LRTM2: variants seen among roughly 807,000 people sequenced by gnomAD.
The protein encoded by LRTM2 is leucine-rich repeat and transmembrane domain-containing protein 2.
A neutral mutation model predicts 28.1 loss-of-function variants in LRTM2; 18 were observed. The observed-to-expected ratio is 0.64, with a 90% CI of 0.44 to 0.95. The LOEUF (loss-of-function observed/expected upper bound fraction) is 0.95, where lower values mean the gene tolerates loss of function less well. Among genes scored for constraint, LRTM2 ranks in the 40% least tolerant of loss-of-function variants. The probability of loss-of-function intolerance (pLI) is 0.00; values close to 1 mark genes in which losing one functional copy is unlikely to be tolerated. For synonymous variants in LRTM2, 250 were observed against 218.7 expected, an observed-to-expected ratio of 1.14 and a Z score of -1.26; for missense variants, 436 against 497.2, an observed-to-expected ratio of 0.88 and a Z score of 1.17.
At position 1,822,449 on chromosome 12, in the gene LRTM2, TACCACCCTGAGCCCAGCCCCAGGGAC is replaced by T. The variant is rs1177704133; in HGVS notation, c.-259+1650_-259+1675del. ...AAGCCTCCTGTGCCCTGCCTGGGAA[TACCACCCTGAGCCCAGCCCCAGGGAC>T]ACCACCCTGAGCCCGGCCCCAGGGC... On this transcript the variant is annotated intron_variant, in intron 1 of 4. Coordinates refer to ENST00000299194, the MANE Select transcript of LRTM2 (RefSeq NM_001039029.3). Among the ~76,000 whole-genome samples the T allele has an allele frequency of 2.0e-3, 302 of 151,994 alleles. 1 individual carries two copies. The highest frequency in any genetic ancestry group is 6.5e-3 in the African/African-American group (271 of 41,450).
chr12:1,826,842 G>A lies in LRTM2; in HGVS notation c.-258-568G>A, dbSNP rs200396987. On this transcript the variant is annotated intron_variant, in intron 1 of 4. Transcript: ENST00000299194. ...GGTTTGCAGCAGGACCCTAATGCCC[G>A]AGGGGAAACCTGCACAGACAGGCCA... 2.2e-4 allele frequency among the ~76,000 whole-genome samples: 34 copies of A among 152,338 alleles called. No homozygotes were observed. In the East Asian group the frequency reaches 2.7e-3, roughly 12 times the overall value.
chr12:1,828,501 G>A lies in LRTM2; in HGVS notation c.67+286G>A, dbSNP rs1565692857. Reference sequence around the variant, plus strand: ...AGGTAAGTCTCTGTGAGCTTGCTGGGGTCCCCAACAGGAGAAGAGCTCTGC... The same window carrying A: ...AGGTAAGTCTCTGTGAGCTTGCTGGAGTCCCCAACAGGAGAAGAGCTCTGC... On this transcript the variant is annotated intron_variant, in intron 3 of 4. Transcript: ENST00000299194. This position sits in a 1 kb window ranked among gnomAD's most constrained non-coding sequence, Gnocchi z 4.2. 6.6e-6 allele frequency among the ~76,000 whole-genome samples: 1 copy of A among 152,200 alleles called. No individual in the cohort carries two copies. Among genetic ancestry groups the A allele is most frequent in the Non-Finnish European group, 1.5e-5 (1 of 68,032 alleles).
chr12:1,834,600 A>G lies in LRTM2; in HGVS notation c.992A>G (p.Tyr331Cys), dbSNP rs761883170. The change falls in exon 5 of 5, where the codon TAT (tyrosine) becomes TGT (cysteine). Residue 331 changes from tyrosine (Y) to cysteine (C), a missense_variant. Tyr to Cys is a radical substitution (Grantham distance 194, BLOSUM62 -2). Coordinates refer to ENST00000299194, the MANE Select transcript of LRTM2 (RefSeq NM_001039029.3). This position sits in a 1 kb window ranked among gnomAD's most constrained non-coding sequence, Gnocchi z 7.6. ...VCIMMVVAAAYGCIYASLMAK... is the reference protein window; with the variant it reads ...VCIMMVVAAACGCIYASLMAK... The stretch of plus-strand genomic sequence containing the variant: ...ATCATGATGGTGGTGGCCGCTGCCT[A>G]TGGCTGCATCTACGCCTCCCTCATG... The G allele has an allele frequency of 1.9e-6, 3 of 1,600,034 alleles. No individual in the cohort carries two copies. The highest frequency in any genetic ancestry group is 2.7e-5 in the African/African-American group (2 of 74,868).
rs1386123143 is a variant in LRTM2, at chr12:1,828,260, G to A, written c.67+45G>A. On this transcript the variant is annotated intron_variant, in intron 3 of 4. Coordinates refer to ENST00000299194, the MANE Select transcript of LRTM2 (RefSeq NM_001039029.3). The surrounding 1 kb of genome is among the most constrained non-coding windows in gnomAD (Gnocchi z 4.2). ...CGGAGGGGGGTGCGGGTTGGGTGGG[G>A]GTGCCGAGGTGACTGTAGGTAGCGC... The A allele has an allele frequency of 1.3e-6, 2 of 1,488,360 alleles. No homozygotes were observed. The highest frequency in any genetic ancestry group is 1.8e-6 in the Non-Finnish European group (2 of 1,105,632). The allele number at this position is 1,488,360 out of a possible 1,614,324, so 92.2% of individuals were successfully genotyped here.
intron 1 of LRTM2, among the ~76,000 whole-genome samples, chr12:1,821,853 C>T (rs1864116792): frequency 6.6e-6 from 1 of 152,110 alleles, no homozygotes; most frequent in African/African-American, 2.4e-5. Context: ...AAGCTGTCCA[C>T]ATTTCTGGGG....
chr12:1,826,307 G>C (rs74463593), intron 1 of LRTM2, among the ~76,000 whole-genome samples: 3,025 of 151,920 alleles, frequency 0.02, 122 homozygotes, highest in African/African-American at 0.07. Context: ...CACCAAGCAG[G>C]TATTGCGGTC....
intron 1 of LRTM2, among the ~76,000 whole-genome samples, chr12:1,822,562 G>A (rs1864149083): frequency 6.6e-6 from 1 of 152,224 alleles, no homozygotes; most frequent in Admixed American, 6.5e-5. Context: ...CCACTCAGGA[G>A]GCTTCTCTGT....
At position 1,831,347 on chromosome 12, in the gene LRTM2, C is replaced by T. The variant is rs778334335; in HGVS notation, c.480C>T (p.Phe160=). 1.4e-5 allele frequency: 22 copies of T among 1,613,824 alleles called. No individual in the cohort carries two copies. The highest frequency in any genetic ancestry group is 9.3e-5 in the African/African-American group (7 of 74,946). The part of the protein sequence containing the change: ...NGLAQLPPGL[F]DGLLALRSLS... ...TGGCCCAGTTGCCCCCTGGTCTTTT[C>T]GACGGGCTCCTGGCTCTGCGCTCCC... is the stretch of plus-strand genomic sequence containing the variant. Residue 160 remains phenylalanine, a synonymous_variant, in exon 4 of 5, where the codon TTC becomes TTT. Coordinates refer to ENST00000299194, the MANE Select transcript of LRTM2 (RefSeq NM_001039029.3).
At position 1,828,311 on chromosome 12, in the gene LRTM2, G is replaced by C. The variant is rs978483851; in HGVS notation, c.67+96G>C. ...CATATGGGACCTTAGCCACACTCAG[G>C]CTGCAGGGAGGCCTACGCCAGATCT... On this transcript the variant is annotated intron_variant, in intron 3 of 4. Transcript: ENST00000299194. This position sits in a 1 kb window ranked among gnomAD's most constrained non-coding sequence, Gnocchi z 4.2. 4 of 1,111,268 alleles carry C rather than the reference G, an allele frequency of 3.6e-6. No homozygotes were observed. The highest frequency in any genetic ancestry group is 5.7e-5 in the East Asian group (2 of 34,792). 68.8% of individuals were successfully genotyped at this position (1,111,268 alleles called of 1,614,324 possible).
At chr12:1,830,239 G>A in intron 3 of LRTM2, among the ~76,000 whole-genome samples, 1 of 152,240 alleles carries the variant, frequency 6.6e-6, no homozygotes, top group East Asian at 1.9e-4. Flanking sequence ...ATCTTAGCCT[G>A]TCACTCCCAC....
Position 1,828,042 on chromosome 12 carries a change from G to T in LRTM2, c.-73-34G>T. 1 of 1,079,016 alleles carries T rather than the reference G, an allele frequency of 9.3e-7. No individual in the cohort carries two copies. The highest frequency in any genetic ancestry group is 1.9e-5 in the South Asian group (1 of 51,438). The allele number at this position is 1,079,016 out of a possible 1,614,324, so 66.8% of individuals were successfully genotyped here. ...CCCTGGGCTGGAACGGGGCTCCCGCGCCTGCCTGTGCTCAGTGCTCCTCCC... is the reference window on the plus strand; with the variant it reads ...CCCTGGGCTGGAACGGGGCTCCCGCTCCTGCCTGTGCTCAGTGCTCCTCCC... On this transcript the variant is annotated intron_variant, in intron 2 of 4. Coordinates refer to ENST00000299194, the MANE Select transcript of LRTM2 (RefSeq NM_001039029.3). The surrounding 1 kb of genome is among the most constrained non-coding windows in gnomAD (Gnocchi z 4.2).
Position 1,834,843 on chromosome 12 carries a change from C to A in LRTM2, c.*122C>A, listed in dbSNP as rs528356465. On this transcript the variant is annotated 3_prime_UTR_variant, in exon 5 of 5. Coordinates refer to ENST00000299194, the MANE Select transcript of LRTM2 (RefSeq NM_001039029.3). The surrounding 1 kb of genome is among the most constrained non-coding windows in gnomAD (Gnocchi z 7.6). The stretch of plus-strand genomic sequence containing the variant: ...CCCCGAGTCCACCCTCCTCCCCGCC[C>A]TCCAGCAGACAAGCCACACCGGGTT... 75 of 1,430,702 alleles carry A rather than the reference C, an allele frequency of 5.2e-5. No homozygotes were observed. In the African/African-American group the frequency reaches 1.1e-3, roughly 20 times the overall value. 88.6% of individuals were successfully genotyped at this position (1,430,702 alleles called of 1,614,324 possible). A position where few individuals can be genotyped will look rare whatever the true frequency, so the allele number is the denominator to read the frequency against.
At position 1,834,593 on chromosome 12, in the gene LRTM2, G is replaced by A. The variant is rs776872752; in HGVS notation, c.985G>A (p.Ala329Thr). 5.6e-6 allele frequency: 9 copies of A among 1,600,046 alleles called. No homozygotes were observed. Among genetic ancestry groups the A allele is most frequent in the Non-Finnish European group, 7.6e-6 (9 of 1,179,916 alleles). ...GVVCIMMVVA[A>T]AYGCIYASLM... The stretch of plus-strand genomic sequence containing the variant: ...CGTCTGCATCATGATGGTGGTGGCC[G>A]CTGCCTATGGCTGCATCTACGCCTC... Residue 329 changes from alanine (A) to threonine (T), a missense_variant, in exon 5 of 5, where the codon GCT becomes ACT. Ala to Thr is a moderately conservative substitution (Grantham distance 58). Transcript: ENST00000299194. This position sits in a 1 kb window ranked among gnomAD's most constrained non-coding sequence, Gnocchi z 7.6.
In LRTM2 at chr12:1,834,352, C is replaced by A. The variant is rs781383616; in HGVS notation, c.744C>A (p.Asn248Lys). 1 of 1,613,124 alleles carries A rather than the reference C, an allele frequency of 6.2e-7. No homozygotes were observed. The highest frequency in any genetic ancestry group is 1.7e-5 in the Admixed American group (1 of 59,988). The change falls in exon 5 of 5, where the codon AAC becomes AAA. Residue 248 changes from asparagine to lysine, a missense_variant. Transcript: ENST00000299194. This position sits in a 1 kb window ranked among gnomAD's most constrained non-coding sequence, Gnocchi z 7.6. ...GGATGGTCCCCATGGAGATGTTCAA[C>A]TACTGCTCCCAGCTGGAGGACGAGA... ...DMRMVPMEMF[N>K]YCSQLEDENS...
Position 1,834,173 on chromosome 12 carries a change from T to C in LRTM2, c.659-94T>C, listed in dbSNP as rs1864749258. The C allele has an allele frequency of 4.9e-6, 7 of 1,417,040 alleles. No individual in the cohort carries two copies. The highest frequency in any genetic ancestry group is 6.6e-6 in the Non-Finnish European group (7 of 1,063,536). The allele number at this position is 1,417,040 out of a possible 1,614,324, so 87.8% of individuals were successfully genotyped here. A position where few individuals can be genotyped will look rare whatever the true frequency, so the allele number is the denominator to read the frequency against. ...GACTACATTGCTGATAAAAACTACC[T>C]TCTGGGGCTTCCGTTTTGGGGAGCT... On this transcript the variant is annotated intron_variant, in intron 4 of 4. Coordinates refer to ENST00000299194, the MANE Select transcript of LRTM2 (RefSeq NM_001039029.3). This position sits in a 1 kb window ranked among gnomAD's most constrained non-coding sequence, Gnocchi z 7.6.
At chr12:1,827,908 G>A (rs968026028) in intron 2 of LRTM2, 168 bp from the exon 3 acceptor site, 34 of 409,238 alleles carry the variant, frequency 8.3e-5, no homozygotes, top group African/African-American at 6.2e-4. Flanking sequence ...CATCCCAGGG[G>A]CTTGAAGGCT....
rs574803999 is a variant in LRTM2 at position 1,828,208 on chromosome 12, A to G, written c.60A>G (p.Gln20=). ...QRGRLALQWR[Q]VSWITCWIAL... ...GCAGGCTCGCCCTGCAGTGGAGGCA[A>G]GTCTCCTGTGAGTACACCCCTGGCC... The change falls in exon 3 of 5, where the codon CAA becomes CAG. Residue 20 remains glutamine (Q), a synonymous_variant. Coordinates refer to ENST00000299194, the MANE Select transcript of LRTM2 (RefSeq NM_001039029.3). This position sits in a 1 kb window ranked among gnomAD's most constrained non-coding sequence, Gnocchi z 4.2. 48 of 1,545,588 alleles carry G rather than the reference A, an allele frequency of 3.1e-5. 1 individual carries two copies. In the South Asian group the frequency reaches 4.7e-4, roughly 15 times the overall value.
Position 1,828,579 on chromosome 12 carries a change from C to T in LRTM2, c.67+364C>T, listed in dbSNP as rs1032710100. Among the ~76,000 whole-genome samples, 8 of 152,238 alleles carry T rather than the reference C, an allele frequency of 5.3e-5. No individual in the cohort carries two copies. The highest frequency in any genetic ancestry group is 1.9e-4 in the East Asian group (1 of 5,196). ...CAGCCTCACTGGTGCCTGAGCTTGT[C>T]GGCCTGTGTCACAGACTGCGGCGAG... On this transcript the variant is annotated intron_variant, in intron 3 of 4. Transcript: ENST00000299194. The surrounding 1 kb of genome is among the most constrained non-coding windows in gnomAD (Gnocchi z 4.2).
chr12:1,824,965 G>A (rs1403049119), intron 1 of LRTM2, among the ~76,000 whole-genome samples: 1 of 152,260 alleles, frequency 6.6e-6, no homozygotes, highest in Non-Finnish European at 1.5e-5. Flanking sequence ...CAGGGAGGCA[G>A]GATTAGCTGC....
Sources: allele counts gnomAD v4.1 joint callset (sites outside exome capture counted in the v4.1 genomes callset), GRCh38; gene constraint gnomAD v4.1.1; non-coding constraint Gnocchi (gnomAD v3.1); transcripts MANE v1.5; gene names NCBI Gene and HGNC (gene_info 2026-07-23, HGNC 2026-07-21).